TYW1: variants seen among roughly 807,000 people sequenced by gnomAD.
TYW1 encodes the protein S-adenosyl-L-methionine-dependent tRNA 4-demethylwyosine synthase TYW1.
A neutral mutation model predicts 96.2 loss-of-function variants in TYW1; 46 were observed. The observed-to-expected ratio is 0.48, with a 90% CI of 0.38 to 0.61. TYW1 has a LOEUF of 0.61. TYW1 is among the 20% of genes least tolerant of loss of function. TYW1 has a pLI of 0.00. For missense variants in TYW1, 684 were observed against 909.6 expected, an observed-to-expected ratio of 0.75 and a Z score of 3.19; for synonymous variants, 274 against 323.0, an observed-to-expected ratio of 0.85 and a Z score of 1.63.
At position 67,177,237 on chromosome 7, in the gene TYW1, G is replaced by T. The variant is rs571493334; in HGVS notation, c.1699-5889G>T. On this transcript the variant is annotated intron_variant, in intron 13 of 15. Transcript: ENST00000359626. ...GTTTTGGTGGATTTTTGACACAAATGTGAGTGGCAATATGATAAAACTTTA... is the reference window on the plus strand; with the variant it reads ...GTTTTGGTGGATTTTTGACACAAATTTGAGTGGCAATATGATAAAACTTTA... Among the ~76,000 whole-genome samples the T allele has an allele frequency of 2.7e-3, 405 of 151,920 alleles. 2 individuals carry two copies. Among genetic ancestry groups the T allele is most frequent in the African/African-American group, 6.1e-3 (251 of 41,388 alleles).
At chr7:67,159,140 A>G (rs1261022119) in intron 13 of TYW1, among the ~76,000 whole-genome samples, 1 of 152,176 alleles carries the variant, frequency 6.6e-6, no homozygotes, top group African/African-American at 2.4e-5. Context: ...ACTTAGTAAT[A>G]TATCGTGATC....
At chr7:67,070,874 G>A (rs1331246967) in intron 10 of TYW1, among the ~76,000 whole-genome samples, 1 of 152,092 alleles carries the variant, frequency 6.6e-6, no homozygotes, top group Non-Finnish European at 1.5e-5. Context: ...GCTCATGCCT[G>A]TAATTCCAGC....
chr7:67,068,930 A>G (rs1188180543), intron 10 of TYW1, among the ~76,000 whole-genome samples: 2 of 152,128 alleles, frequency 1.3e-5, no homozygotes, highest in African/African-American at 4.8e-5. Flanking sequence ...TCTCAAACCC[A>G]CTGTATCCAT....
intron 10 of TYW1, among the ~76,000 whole-genome samples, chr7:67,075,568 C>T (rs1193786045): frequency 6.6e-6 from 1 of 152,180 alleles, no homozygotes. Context: ...CTGATACATG[C>T]TACAGCATGG....
intron 13 of TYW1, among the ~76,000 whole-genome samples, chr7:67,160,027 C>A (rs1799111645): frequency 2.6e-5 from 4 of 152,156 alleles, no homozygotes; most frequent in Admixed American, 1.3e-4. Flanking sequence ...TGGTCTCGAT[C>A]TCCTGACCTC....
chr7:67,225,370 C>T (rs1358917573), intron 15 of TYW1, among the ~76,000 whole-genome samples: 2 of 152,142 alleles, frequency 1.3e-5, no homozygotes, highest in Non-Finnish European at 2.9e-5. Flanking sequence ...TGTCCCAGCA[C>T]AGCCAACAGC....
At chr7:67,067,500 G>C in intron 10 of TYW1, 97 bp downstream of exon 10, 1 of 1,353,548 alleles carries the variant, frequency 7.4e-7, no homozygotes, top group South Asian at 1.3e-5. Flanking sequence ...GAGCTCTGCT[G>C]TCTTGGTGAT....
At chr7:67,190,127 A>G (rs563880954) in intron 14 of TYW1, among the ~76,000 whole-genome samples, 2 of 152,262 alleles carry the variant, frequency 1.3e-5, no homozygotes, top group Admixed American at 1.3e-4. Flanking sequence ...TGTAGTGCTC[A>G]ATCCTTGCAG....
chr7:67,158,453 G>A (rs1183193040), intron 13 of TYW1, among the ~76,000 whole-genome samples: 1 of 152,096 alleles, frequency 6.6e-6, no homozygotes, highest in Non-Finnish European at 1.5e-5. Context: ...CAATTGATAT[G>A]ATCATATGAT....
At chr7:67,193,943 T>C (rs1800307764) in intron 14 of TYW1, among the ~76,000 whole-genome samples, 1 of 151,996 alleles carries the variant, frequency 6.6e-6, no homozygotes, top group African/African-American at 2.4e-5. Context: ...CTTAGCGGAA[T>C]CATTTCTGGG....
intron 13 of TYW1, among the ~76,000 whole-genome samples, chr7:67,167,459 A>C (rs1392058709): frequency 9.8e-6 from 1 of 101,560 alleles, no homozygotes; most frequent in Non-Finnish European, 1.8e-5. Flanking sequence ...ACAGAGAGAG[A>C]CTCTGTCTCA....
At chr7:67,140,920 G>A (rs1442816319) in intron 13 of TYW1, among the ~76,000 whole-genome samples, 1 of 152,184 alleles carries the variant, frequency 6.6e-6, no homozygotes, top group Non-Finnish European at 1.5e-5. Flanking sequence ...CCAAGTGTCT[G>A]GGGGTGGAGG....
intron 15 of TYW1, among the ~76,000 whole-genome samples, chr7:67,222,866 CTT>C (rs570972265): frequency 4.5e-4 from 49 of 109,606 alleles, no homozygotes; most frequent in Non-Finnish European, 7.6e-4. Context: ...CGCTTTTTTT[CTT>C]TTTTTTTTTT....
In TYW1 at chr7:67,117,401, T is replaced by C. The variant is rs1345468505; in HGVS notation, c.1563-82T>C. ...GTGAAGTGTTTAATCCCCATGTCTA[T>C]TACAGATTGCAGGTTTTATATCATG... On this transcript the variant is annotated intron_variant, in intron 12 of 15. Coordinates refer to ENST00000359626, the MANE Select transcript of TYW1 (RefSeq NM_018264.4). The C allele has an allele frequency of 4.7e-6, 7 of 1,497,834 alleles. 1 individual carries two copies. Among genetic ancestry groups the C allele is most frequent in the South Asian group, 2.7e-5 (2 of 74,930 alleles). 92.8% of individuals were successfully genotyped at this position (1,497,834 alleles called of 1,614,324 possible). A position where few individuals can be genotyped will look rare whatever the true frequency, so the allele number is the denominator to read the frequency against.
chr7:67,085,267 A>G (rs13312541), intron 11 of TYW1, among the ~76,000 whole-genome samples: 2 of 152,172 alleles, frequency 1.3e-5, no homozygotes, highest in South Asian at 2.1e-4. Context: ...TGTAATCTCC[A>G]TAATCCCCAT....
intron 13 of TYW1, among the ~76,000 whole-genome samples, chr7:67,137,575 G>A (rs1798305456): frequency 6.6e-6 from 1 of 152,212 alleles, no homozygotes; most frequent in African/African-American, 2.4e-5. Context: ...TTTAAGCACA[G>A]GAATCAACCT....
Position 67,045,381 on chromosome 7 carries a change from A to T in TYW1, c.985-4568A>T, listed in dbSNP as rs1406285996. ...ACATGCCACCACACCTGGCTAATTA[A>T]AAAAAAATTTTTTTTTTGTAGAGCT... is the stretch of plus-strand genomic sequence containing the variant. On this transcript the variant is annotated intron_variant, in intron 7 of 15. Transcript: ENST00000359626. Among the ~76,000 whole-genome samples the T allele has an allele frequency of 6.4e-3, 493 of 77,064 alleles. 4 individuals are homozygous for T. The highest frequency in any genetic ancestry group is 0.018 in the African/African-American group (451 of 24,518). 50.6% of individuals were successfully genotyped at this position (77,064 alleles called of 152,430 possible). A position where few individuals can be genotyped will look rare whatever the true frequency, so the allele number is the denominator to read the frequency against.
intron 13 of TYW1, among the ~76,000 whole-genome samples, chr7:67,128,734 G>A (rs1352539056): frequency 2.0e-5 from 3 of 150,366 alleles, no homozygotes; most frequent in Non-Finnish European, 3.0e-5. Context: ...TCTGTCACAG[G>A]CTGGAGTGCA....
At chr7:67,013,976 A>C (rs867521272) in intron 4 of TYW1, among the ~76,000 whole-genome samples, 68 of 151,734 alleles carry the variant, frequency 4.5e-4, no homozygotes, top group Middle Eastern at 3.4e-3. Context: ...ATCTCCTGAC[A>C]TTGTGATCCG....
Sources: allele counts gnomAD v4.1 joint callset (sites outside exome capture counted in the v4.1 genomes callset), GRCh38; gene constraint gnomAD v4.1.1; transcripts MANE v1.5; gene names NCBI Gene and HGNC (gene_info 2026-07-23, HGNC 2026-07-21).